Variants in BCL2L1 observed in about 807,000 individuals in gnomAD.
The protein encoded by BCL2L1 is bcl-2-like protein 1.
A neutral mutation model predicts 18.7 loss-of-function variants in BCL2L1; 1 was observed. The observed-to-expected ratio is 0.05, with a 90% confidence interval of 0.02 to 0.25. BCL2L1 has a LOEUF of 0.25. Ranked by LOEUF, BCL2L1 falls within the 10% of genes least tolerant of loss-of-function variation. The pLI, the probability that BCL2L1 is intolerant of heterozygous loss-of-function variation, is 1.00. For synonymous variants in BCL2L1, 103 were observed against 122.7 expected (o/e 0.84, Z 1.06); for missense variants, 207 against 304.9 (o/e 0.68, Z 2.39).
chr20:31,692,636 C>T (rs2061093051), intron 2 of BCL2L1, among the ~76,000 whole-genome samples: 1 of 152,056 alleles, frequency 6.6e-6, no homozygotes, highest in Admixed American at 6.6e-5. Context: ...TAGGGCTGGG[C>T]GCCGTGGCTC....
intron 2 of BCL2L1, among the ~76,000 whole-genome samples, chr20:31,683,912 G>A (rs1229724433): frequency 6.6e-6 from 1 of 150,902 alleles, no homozygotes; most frequent in African/African-American, 2.4e-5. Flanking sequence ...GCAATGAAAA[G>A]GCAACTTATT....
chr20:31,690,926 C>T (rs548831798), intron 2 of BCL2L1, among the ~76,000 whole-genome samples: 15 of 151,828 alleles, frequency 9.9e-5, no homozygotes, highest in African/African-American at 3.6e-4. Context: ...AGGTGGGTGG[C>T]TCACCTGAGG....
intron 2 of BCL2L1, among the ~76,000 whole-genome samples, chr20:31,714,084 G>A (rs988039072): frequency 6.6e-6 from 1 of 152,194 alleles, no homozygotes; most frequent in African/African-American, 2.4e-5. Context: ...AAACTAGCCT[G>A]CCTTGACACT....
At chr20:31,671,084 G>A (rs765167944) in intron 2 of BCL2L1, among the ~76,000 whole-genome samples, 7 of 152,028 alleles carry the variant, frequency 4.6e-5, no homozygotes, top group Admixed American at 6.6e-5. Context: ...CTCTGCTTGA[G>A]TTAAGAGGAA....
At chr20:31,686,495 T>G (rs987257237) in intron 2 of BCL2L1, 13 of 152,234 alleles carry the variant, frequency 8.5e-5, no homozygotes, top group African/African-American at 3.1e-4. Flanking sequence ...CCTATGCTAT[T>G]ATTTTATGAC....
intron 2 of BCL2L1, among the ~76,000 whole-genome samples, chr20:31,668,735 G>A (rs938723011): frequency 2.6e-5 from 4 of 151,380 alleles, no homozygotes; most frequent in African/African-American, 7.3e-5. Context: ...CTCCCAAGTA[G>A]CTGGGATTAC....
At chr20:31,678,146 A>G (rs1166389715) in intron 2 of BCL2L1, among the ~76,000 whole-genome samples, 1 of 152,190 alleles carries the variant, frequency 6.6e-6, no homozygotes. Flanking sequence ...GGAATGGGGT[A>G]GCAATCTCCA....
At chr20:31,666,573 A>C (rs987500986) in intron 2 of BCL2L1, among the ~76,000 whole-genome samples, 2 of 152,050 alleles carry the variant, frequency 1.3e-5, no homozygotes, top group Admixed American at 1.3e-4. Context: ...GCTGCACCAG[A>C]GGGAGGGATA....
chr20:31,720,961 C>A lies in BCL2L1; in HGVS notation c.564+694G>T, dbSNP rs900724944. 3 of 985,306 alleles carry A rather than the reference C, an allele frequency of 3.0e-6. No individual in the cohort carries two copies. The African/African-American group carries it at 5.2e-5, about 17-fold the overall frequency. The allele number at this position is 985,306 out of a possible 1,614,324, so 61.0% of individuals were successfully genotyped here. ...AAGTCCCCTGGCTTAATGTGTGACA[C>A]AGCAAGTGCTCCACAAACAAGGCAA... On this transcript the variant is annotated intron_variant, in intron 2 of 2. Coordinates refer to ENST00000307677, the MANE Select transcript of BCL2L1 (RefSeq NM_138578.3).
intron 2 of BCL2L1, among the ~76,000 whole-genome samples, chr20:31,681,076 G>A (rs1173240833): frequency 6.6e-6 from 1 of 152,242 alleles, no homozygotes. Flanking sequence ...CAGTGAATGT[G>A]AGGAGACTGG....
In BCL2L1 at chr20:31,722,288, T is replaced by C; in HGVS notation, c.-70A>G. Reference sequence around the variant, plus strand: ...CTGCTCACTCACTGAGTCTCGTCTCTGGTTAGTGATTCTCTTCTAAGATCC... The same window carrying C: ...CTGCTCACTCACTGAGTCTCGTCTCCGGTTAGTGATTCTCTTCTAAGATCC... On this transcript the variant is annotated 5_prime_UTR_variant, in exon 2 of 3. Transcript: ENST00000307677. 8.7e-7 allele frequency: 1 copy of C among 1,150,806 alleles called. No individual in the cohort carries two copies. The highest frequency in any genetic ancestry group is 1.2e-6 in the Non-Finnish European group (1 of 852,306). The allele number at this position is 1,150,806 out of a possible 1,614,324, so 71.3% of individuals were successfully genotyped here.
At chr20:31,687,514 A>C (rs2060979335) in intron 2 of BCL2L1, among the ~76,000 whole-genome samples, 1 of 151,662 alleles carries the variant, frequency 6.6e-6, no homozygotes, top group Admixed American at 6.6e-5. Flanking sequence ...TCTCTACTAA[A>C]AATACAAAAA....
At position 31,685,332 on chromosome 20, in the gene BCL2L1, G is replaced by A. The variant is rs530980978; in HGVS notation, c.565-19246C>T. Reference sequence around the variant, plus strand: ...GGAGAATGGCGTGAACCCAGGAGGCGGAGCTTGCAGTGAGCTGAGATCGTG... The same window carrying A: ...GGAGAATGGCGTGAACCCAGGAGGCAGAGCTTGCAGTGAGCTGAGATCGTG... On this transcript the variant is annotated intron_variant, in intron 2 of 2. Transcript: ENST00000307677. 2.0e-5 allele frequency among the ~76,000 whole-genome samples: 3 copies of A among 151,640 alleles called. No individual in the cohort carries two copies. In the South Asian group the frequency reaches 6.2e-4, roughly 31 times the overall value.
intron 2 of BCL2L1, among the ~76,000 whole-genome samples, chr20:31,681,123 G>T (rs2122536905): frequency 6.6e-6 from 1 of 152,380 alleles, no homozygotes; most frequent in South Asian, 2.1e-4. Flanking sequence ...GGGCCCGATT[G>T]TGTGGGGCCT....
chr20:31,669,982 T>C (rs866289298), intron 2 of BCL2L1, among the ~76,000 whole-genome samples: 5 of 152,174 alleles, frequency 3.3e-5, no homozygotes, highest in Admixed American at 2.6e-4. Context: ...AGCAAACAGA[T>C]AGCAGAGTCG....
At chr20:31,698,060 G>C (rs541812047) in intron 2 of BCL2L1, among the ~76,000 whole-genome samples, 19 of 151,656 alleles carry the variant, frequency 1.3e-4, no homozygotes, top group Non-Finnish European at 7.4e-5. Context: ...GCTAATTTTT[G>C]TATTTTTAGT....
intron 2 of BCL2L1, among the ~76,000 whole-genome samples, chr20:31,670,282 G>A (rs1002910008): frequency 2.6e-5 from 4 of 152,218 alleles, no homozygotes; most frequent in Non-Finnish European, 5.9e-5. Context: ...AGTACACCCA[G>A]GTGGAGTCAC....
intron 2 of BCL2L1, among the ~76,000 whole-genome samples, chr20:31,693,142 CTA>C (rs1210902293): frequency 6.4e-5 from 9 of 139,950 alleles, no homozygotes; most frequent in African/African-American, 2.4e-4. Flanking sequence ...GAATATATAC[CTA>C]TATATATATA....
At chr20:31,698,076 T>C (rs543978519) in intron 2 of BCL2L1, among the ~76,000 whole-genome samples, 8 of 151,736 alleles carry the variant, frequency 5.3e-5, no homozygotes, top group Admixed American at 4.6e-4. Context: ...TTAGTAGAGA[T>C]GGGGTTTCAC....
Sources: allele counts gnomAD v4.1 joint callset (sites outside exome capture counted in the v4.1 genomes callset), GRCh38; gene constraint gnomAD v4.1.1; transcripts MANE v1.5; gene names NCBI Gene and HGNC (gene_info 2026-07-23, HGNC 2026-07-21).